Variants in CR1 observed in about 807,000 individuals in gnomAD.
The protein encoded by CR1 is complement C3b/C4b receptor 1 (Knops blood group), also known as complement receptor type 1.
A neutral mutation model predicts 187.3 loss-of-function variants in CR1; 116 were observed. The observed-to-expected ratio is 0.62, with a 90% CI of 0.53 to 0.72. The LOEUF is 0.72. Among genes scored for constraint, CR1 ranks in the 30% least tolerant of loss-of-function variants. The probability of loss-of-function intolerance (pLI) is 0.00; values close to 1 mark genes in which losing one functional copy is unlikely to be tolerated. For missense variants in CR1, 1,731 were observed against 2,110.7 expected, an observed-to-expected ratio of 0.82 and a Z score of 3.52; for synonymous variants, 576 against 747.1, an observed-to-expected ratio of 0.77 and a Z score of 3.73.
chr1:207,600,872 T>TAC (rs1369287091), intron 35 of CR1: 1 of 152,118 alleles, frequency 6.6e-6, no homozygotes, highest in Non-Finnish European at 1.5e-5. Context: ...TGGTAAGCCT[T>TAC]ACATTATTTA....
rs1283478899 is a variant in CR1 at position 207,575,687 on chromosome 1, T to C, written c.4537+7T>C. The C allele has an allele frequency of 3.7e-6, 6 of 1,611,850 alleles. No homozygotes were observed. The highest frequency in any genetic ancestry group is 4.2e-6 in the Non-Finnish European group (5 of 1,179,708). ...AAGCCGCCAATTTGTCAACGTGAGT[T>C]GAAATCTCTTTCCCCATTCACCCCA... On this transcript the variant is annotated splice_region_variant and intron_variant, in intron 28 of 46. Transcript: ENST00000367049.
chr1:207,511,482 TAA>T (rs1449053736), intron 3 of CR1, 85 bp from the exon 4 acceptor site: 4 of 1,348,408 alleles, frequency 3.0e-6, no homozygotes, highest in Admixed American at 3.4e-5. Context: ...CTGAATCCTA[TAA>T]GAGTGTAATC....
In CR1 at chr1:207,616,571, C is replaced by T; in HGVS notation, c.6662-4C>T. 1 of 1,612,840 alleles carries T rather than the reference C, an allele frequency of 6.2e-7. No individual in the cohort carries two copies. The highest frequency in any genetic ancestry group is 2.2e-5 in the East Asian group (1 of 44,872). On this transcript the variant is annotated splice_region_variant and splice_polypyrimidine_tract_variant and intron_variant, in intron 40 of 46. Transcript: ENST00000367049. ...AGAACTTAAAGCTCTTGTTTTCTTT[C>T]TAGAAATCTTTTGTCCAAATCCTCC...
At chr1:207,516,259 T>C (rs893149842) in intron 4 of CR1, among the ~76,000 whole-genome samples, 1 of 152,172 alleles carries the variant, frequency 6.6e-6, no homozygotes, top group South Asian at 2.1e-4. Flanking sequence ...TTAAAAAGAC[T>C]ATTCCTTGCA....
chr1:207,573,203 G>A (rs1382146120), intron 27 of CR1, among the ~76,000 whole-genome samples: 2 of 152,010 alleles, frequency 1.3e-5, no homozygotes, highest in Non-Finnish European at 2.9e-5. Context: ...TGGAGGCTCT[G>A]CCTCAATCTC....
At chr1:207,598,000 A>AG (rs1661496982) in intron 35 of CR1, among the ~76,000 whole-genome samples, 1 of 152,258 alleles carries the variant, frequency 6.6e-6, no homozygotes, top group Admixed American at 6.5e-5. Flanking sequence ...CAGACACAAA[A>AG]GGATAAATAC....
chr1:207,566,233 T>C (rs1199012283), intron 24 of CR1, among the ~76,000 whole-genome samples: 1 of 150,120 alleles, frequency 6.7e-6, no homozygotes, highest in African/African-American at 2.5e-5. Flanking sequence ...AGTTTTTTCT[T>C]TCTTTTTTCT....
intron 29 of CR1, among the ~76,000 whole-genome samples, chr1:207,579,418 G>A (rs1328667315): frequency 6.6e-6 from 1 of 152,166 alleles, no homozygotes; most frequent in Admixed American, 6.5e-5. Flanking sequence ...GATGGGCAGG[G>A]CTTGTGTTCT....
intron 41 of CR1, among the ~76,000 whole-genome samples, chr1:207,617,503 ATATATGTGTGTGTGTGTGTGTGTG>A: frequency 2.0e-5 from 1 of 49,096 alleles, no homozygotes; most frequent in Admixed American, 2.6e-4. Context: ...ATATATATAT[ATATATGTGTGTGTGTGTGTGTGTG>A]TGTGTGTGTG....
intron 45 of CR1, among the ~76,000 whole-genome samples, chr1:207,623,849 A>G (rs555643983): frequency 6.6e-6 from 1 of 151,230 alleles, no homozygotes; most frequent in Non-Finnish European, 1.5e-5. Flanking sequence ...CCAGTGGGGA[A>G]GAATTGAAAC....
chr1:207,524,619 C>A (rs1660110646), intron 5 of CR1, among the ~76,000 whole-genome samples: 1 of 152,014 alleles, frequency 6.6e-6, no homozygotes, highest in Admixed American at 6.6e-5. Flanking sequence ...AACTCCTCAG[C>A]TCAAGCAATT....
chr1:207,505,558 G>A (rs1230440913), intron 1 of CR1, among the ~76,000 whole-genome samples: 1 of 152,006 alleles, frequency 6.6e-6, no homozygotes, highest in African/African-American at 2.4e-5. Flanking sequence ...ATTTCAACAG[G>A]GTCACGGTGG....
chr1:207,505,293 A>C (rs1247322787), intron 1 of CR1, among the ~76,000 whole-genome samples: 1 of 152,108 alleles, frequency 6.6e-6, no homozygotes, highest in Non-Finnish European at 1.5e-5. Context: ...AGCTGTGCAC[A>C]GGCATGTGTA....
chr1:207,582,421 G>A (rs1231155592), intron 32 of CR1, among the ~76,000 whole-genome samples: 5 of 152,162 alleles, frequency 3.3e-5, no homozygotes, highest in Non-Finnish European at 5.9e-5. Flanking sequence ...AATCTTCTGG[G>A]AACTGGGGAT....
At chr1:207,617,832 TCCC>T (rs1041066293) in intron 41 of CR1, among the ~76,000 whole-genome samples, 2 of 151,480 alleles carry the variant, frequency 1.3e-5, no homozygotes, top group Non-Finnish European at 2.9e-5. Flanking sequence ...CCTGTGGTAC[TCCC>T]CCATCTGATC....
At chr1:207,629,952 T>C (rs1662592121) in intron 45 of CR1, among the ~76,000 whole-genome samples, 1 of 152,250 alleles carries the variant, frequency 6.6e-6, no homozygotes, top group Non-Finnish European at 1.5e-5. Flanking sequence ...TCATTTATGA[T>C]GCATGTCAGA....
At chr1:207,520,975 T>G (rs1305179150) in intron 4 of CR1, among the ~76,000 whole-genome samples, 158 of 141,602 alleles carry the variant, frequency 1.1e-3, no homozygotes, top group African/African-American at 3.9e-3. Context: ...GTTGTTTTTT[T>G]TTTTTTTTTT....
At chr1:207,622,038 T>TA (rs1358211262) in intron 44 of CR1, 42 bp downstream of exon 44, 3 of 1,498,504 alleles carry the variant, frequency 2.0e-6, no homozygotes, top group Non-Finnish European at 1.8e-6. Context: ...CTGGCATCTA[T>TA]AACAGTAAGT....
intron 4 of CR1, among the ~76,000 whole-genome samples, chr1:207,523,359 T>C (rs2102306489): frequency 6.6e-6 from 1 of 152,312 alleles, no homozygotes; most frequent in Non-Finnish European, 1.5e-5. Flanking sequence ...CAAAGAGCTA[T>C]TTAAAATGAA....
Sources: gnomAD v4.1 joint callset for allele counts (sites outside exome capture counted in the v4.1 genomes callset) on GRCh38, gnomAD v4.1.1 for gene constraint, MANE v1.5 for transcripts, NCBI Gene and HGNC (gene_info 2026-07-23, HGNC 2026-07-21) for gene names.